CDH18: variants seen among roughly 807,000 people sequenced by gnomAD.
The protein encoded by CDH18 is cadherin-18.
A neutral mutation model predicts 67.9 loss-of-function variants in CDH18; 31 were observed. That is an observed-to-expected ratio of 0.46 (90% confidence interval 0.34 to 0.62). CDH18 has a LOEUF of 0.62. Among genes scored for constraint, CDH18 ranks in the 20% least tolerant of loss-of-function variants. CDH18 has a pLI of 0.01. For synonymous variants in CDH18, 362 were observed against 347.2 expected (o/e 1.04, Z -0.48); for missense variants, 890 against 975.5 (o/e 0.91, Z 1.17).
rs1752186681 is a variant in CDH18 at position 19,630,080 on chromosome 5, G to A, written c.644-17479C>T. Reference sequence around the variant, plus strand: ...GCCTCCCAAGTAGCTGGGATTACAGGTGCCCTTCACCATGACCGGCTAATT... The same window carrying A: ...GCCTCCCAAGTAGCTGGGATTACAGATGCCCTTCACCATGACCGGCTAATT... On this transcript the variant is annotated intron_variant, in intron 5 of 12. Transcript: ENST00000382275. Among the ~76,000 whole-genome samples the A allele has an allele frequency of 2.0e-5, 3 of 152,060 alleles. No homozygotes were observed. In the South Asian group the frequency reaches 6.2e-4, roughly 32 times the overall value.
chr5:19,719,769 G>T (rs1212626577), intron 5 of CDH18, among the ~76,000 whole-genome samples: 1 of 151,314 alleles, frequency 6.6e-6, no homozygotes, highest in African/African-American at 2.4e-5. Context: ...TGCATATAAG[G>T]ATATTTATAT....
intron 1 of CDH18, among the ~76,000 whole-genome samples, chr5:20,462,072 G>A (rs1299949323): frequency 1.3e-5 from 2 of 152,094 alleles, no homozygotes; most frequent in Non-Finnish European, 2.9e-5. Context: ...GTCCTCCCAT[G>A]TTTATTATTT....
chr5:19,916,877 T>C (rs1422068241), intron 2 of CDH18, among the ~76,000 whole-genome samples: 1 of 152,188 alleles, frequency 6.6e-6, no homozygotes, highest in Non-Finnish European at 1.5e-5. Flanking sequence ...GATTCTGTTT[T>C]ATACAGTTAA....
At chr5:20,524,874 G>A (rs1220462182) in intron 1 of CDH18, among the ~76,000 whole-genome samples, 4 of 152,152 alleles carry the variant, frequency 2.6e-5, no homozygotes, top group African/African-American at 9.7e-5. Flanking sequence ...CAACTCAGAA[G>A]GAGGATATAA....
At chr5:19,698,610 T>A (rs1214442701) in intron 5 of CDH18, among the ~76,000 whole-genome samples, 1 of 151,978 alleles carries the variant, frequency 6.6e-6, no homozygotes, top group East Asian at 1.9e-4. Context: ...AAAATAGGAA[T>A]CAATGTAATA....
chr5:20,501,395 C>T (rs1754238541), intron 1 of CDH18, among the ~76,000 whole-genome samples: 1 of 140,856 alleles, frequency 7.1e-6, no homozygotes, highest in African/African-American at 2.6e-5. Context: ...TTACCAAATC[C>T]TAAAATATAT....
chr5:20,359,088 T>C (rs185226553), intron 1 of CDH18, among the ~76,000 whole-genome samples: 1 of 152,122 alleles, frequency 6.6e-6, no homozygotes, highest in African/African-American at 2.4e-5. Context: ...TGTGCCACCA[T>C]GCCTAGCTAA....
At chr5:20,354,669 C>T (rs1317392840) in intron 1 of CDH18, among the ~76,000 whole-genome samples, 1 of 152,158 alleles carries the variant, frequency 6.6e-6, no homozygotes, top group Non-Finnish European at 1.5e-5. Flanking sequence ...ACCTAGGTGT[C>T]CCAAAGTGCT....
chr5:20,156,400 A>G (rs1751531282), intron 2 of CDH18, among the ~76,000 whole-genome samples: 1 of 152,170 alleles, frequency 6.6e-6, no homozygotes, highest in East Asian at 1.9e-4. Context: ...CTATGCAGTC[A>G]AAAAAGAATG....
intron 1 of CDH18, among the ~76,000 whole-genome samples, chr5:20,426,765 C>G (rs1262007285): frequency 2.0e-5 from 3 of 151,028 alleles, no homozygotes; most frequent in African/African-American, 7.4e-5. Flanking sequence ...TCAAATAAAA[C>G]TAAATTAAAT....
intron 2 of CDH18, among the ~76,000 whole-genome samples, chr5:20,068,060 T>C (rs1743139056): frequency 6.6e-6 from 1 of 152,068 alleles, no homozygotes; most frequent in African/African-American, 2.4e-5. Flanking sequence ...CCTGTCCCAA[T>C]ACACACTTTC....
At chr5:19,650,924 T>C (rs1453224409) in intron 5 of CDH18, among the ~76,000 whole-genome samples, 3 of 152,028 alleles carry the variant, frequency 2.0e-5, no homozygotes, top group African/African-American at 7.2e-5. Flanking sequence ...ATAGAACTTA[T>C]CTTAAAATTA....
chr5:19,851,467 T>G (rs1026231651), intron 2 of CDH18, among the ~76,000 whole-genome samples: 7 of 149,612 alleles, frequency 4.7e-5, no homozygotes, highest in African/African-American at 1.5e-4. Context: ...CCTTCTTCCC[T>G]TCTACCTTCC....
At chr5:19,784,522 A>G (rs551966236) in intron 3 of CDH18, among the ~76,000 whole-genome samples, 15 of 152,082 alleles carry the variant, frequency 9.9e-5, no homozygotes, top group African/African-American at 3.6e-4. Context: ...CTTTGTTTCA[A>G]TTTTTTTGCT....
At chr5:19,598,667 A>G (rs1746567903) in intron 6 of CDH18, among the ~76,000 whole-genome samples, 1 of 152,136 alleles carries the variant, frequency 6.6e-6, no homozygotes. Flanking sequence ...TAACAAAATT[A>G]AATTATCTCC....
At chr5:20,186,126 C>T (rs561218601) in intron 2 of CDH18, among the ~76,000 whole-genome samples, 5 of 151,848 alleles carry the variant, frequency 3.3e-5, no homozygotes, top group Non-Finnish European at 7.4e-5. Flanking sequence ...AAATTAGAAC[C>T]TTAAAGCATA....
chr5:20,574,961 G>A (rs1448510226), intron 1 of CDH18, among the ~76,000 whole-genome samples: 1 of 150,904 alleles, frequency 6.6e-6, no homozygotes, highest in East Asian at 2.0e-4. Context: ...AGTTAAAACT[G>A]CAATCTAAAG....
chr5:20,111,929 T>C (rs1396983517), intron 2 of CDH18, among the ~76,000 whole-genome samples: 1 of 152,176 alleles, frequency 6.6e-6, no homozygotes, highest in Admixed American at 6.5e-5. Context: ...CACTTGTCAG[T>C]AAAGTAGTGT....
chr5:20,203,691 T>C (rs1292151717), intron 2 of CDH18, among the ~76,000 whole-genome samples: 1 of 148,014 alleles, frequency 6.8e-6, no homozygotes, highest in East Asian at 2.0e-4. Flanking sequence ...AAAGAACTAA[T>C]CCTTCAATGC....
Sources: allele counts gnomAD v4.1 joint callset (sites outside exome capture counted in the v4.1 genomes callset), GRCh38; gene constraint gnomAD v4.1.1; transcripts MANE v1.5; gene names NCBI Gene and HGNC (gene_info 2026-07-23, HGNC 2026-07-21).